The following CCDC110 variants were observed in gnomAD, a reference collection of about 807,000 sequenced individuals.
The protein encoded by CCDC110 is coiled-coil domain-containing protein 110.
Under a neutral mutation model 77.1 loss-of-function variants are expected in CCDC110, and 70 were observed. That is an observed-to-expected ratio of 0.91 (90% CI 0.75 to 1.11). The LOEUF (loss-of-function observed/expected upper bound fraction) is 1.11, where lower values mean the gene tolerates loss of function less well. CCDC110 is among the 50% of genes least tolerant of loss of function. The pLI is 0.00. For synonymous variants in CCDC110, 295 were observed against 312.5 expected, an observed-to-expected ratio of 0.94 and a Z score of 0.59; for missense variants, 868 against 942.9, an observed-to-expected ratio of 0.92 and a Z score of 1.04.
intron 6 of CCDC110, among the ~76,000 whole-genome samples, chr4:185,455,006 T>C (rs575803626): frequency 1.3e-5 from 2 of 152,258 alleles, no homozygotes; most frequent in East Asian, 3.9e-4. Flanking sequence ...TGCCTAATAT[T>C]CTAGTGTAAT....
chr4:185,461,066 G>A lies in CCDC110; in HGVS notation c.331C>T (p.Arg111Cys), dbSNP rs376940059. ...SSEKNLVFGT[R>C]IEKDLPTENQ... ...TAACATACCAAATCCTTTTCAATGC[G>A]CGTGCCAAACACCAGATTTTTTTCT... Residue 111 changes from arginine to cysteine, a missense_variant, in exon 5 of 7, where the codon CGC becomes TGC. Coordinates refer to ENST00000307588, the MANE Select transcript of CCDC110 (RefSeq NM_152775.4). The A allele has an allele frequency of 3.8e-5, 60 of 1,576,088 alleles. No individual in the cohort carries two copies. Among genetic ancestry groups the A allele is most frequent in the Middle Eastern group, 3.3e-4 (2 of 5,994 alleles).
chr4:185,461,157 T>C lies in CCDC110; in HGVS notation c.240A>G (p.Val80=), dbSNP rs374151330. The stretch of plus-strand genomic sequence containing the variant: ...TCAATATTTCACTGATTTCCGACTG[T>C]ACCTTTAAAAGATAAATTGAGAAAA... ...RMQTLQNVSM[V]QSEISEILNK... The change falls in exon 5 of 7, where the codon GTA becomes GTG. Residue 80 remains valine (V), a splice_region_variant and synonymous_variant. Coordinates refer to ENST00000307588, the MANE Select transcript of CCDC110 (RefSeq NM_152775.4). The C allele has an allele frequency of 6.7e-7, 1 of 1,491,656 alleles. No individual in the cohort carries two copies. 92.4% of individuals were successfully genotyped at this position (1,491,656 alleles called of 1,614,324 possible). A position where few individuals can be genotyped will look rare whatever the true frequency, so the allele number is the denominator to read the frequency against.
At chr4:185,447,038 T>C (rs1376231547) in intron 6 of CCDC110, among the ~76,000 whole-genome samples, 2 of 152,188 alleles carry the variant, frequency 1.3e-5, no homozygotes, top group African/African-American at 4.8e-5. Context: ...TCATCTCTTC[T>C]CTAAAGTCTG....
chr4:185,462,531 C>T, intron 4 of CCDC110, 112 bp downstream of exon 4: 3 of 790,844 alleles, frequency 3.8e-6, no homozygotes, highest in South Asian at 1.6e-5. Context: ...GCTGTGGCCT[C>T]TATTATATTA....
intron 6 of CCDC110, among the ~76,000 whole-genome samples, chr4:185,456,802 TTA>T (rs1430634868): frequency 6.6e-6 from 1 of 151,998 alleles, no homozygotes; most frequent in African/African-American, 2.4e-5. Flanking sequence ...TATTTACATA[TTA>T]TATATTTTAC....
Position 185,459,162 on chromosome 4 carries a change from T to G in CCDC110, c.1425A>C (p.Thr475=). Residue 475 remains threonine (T), a synonymous_variant, in exon 6 of 7, where the codon ACA becomes ACC. Transcript: ENST00000307588. ...CCAGATTCTTAAGTTGCTTTTCATATGTTTCAACTTTCTGTATGAGAGATT... is the reference window on the plus strand; with the variant it reads ...CCAGATTCTTAAGTTGCTTTTCATAGGTTTCAACTTTCTGTATGAGAGATT... ...TTQSLIQKVE[T]YEKQLKNLVE... 1.3e-6 allele frequency: 2 copies of G among 1,599,806 alleles called. No individual in the cohort carries two copies. Among genetic ancestry groups the G allele is most frequent in the Non-Finnish European group, 8.5e-7 (1 of 1,174,282 alleles).
chr4:185,467,662 G>T (rs2095658679), intron 2 of CCDC110, among the ~76,000 whole-genome samples: 1 of 152,166 alleles, frequency 6.6e-6, no homozygotes, highest in South Asian at 2.1e-4. Context: ...GATGACTTTT[G>T]AGGTAATTTT....
chr4:185,471,660 C>A lies in CCDC110; in HGVS notation c.10+14G>T. 1 of 1,564,136 alleles carries A rather than the reference C, an allele frequency of 6.4e-7. No individual in the cohort carries two copies. The highest frequency in any genetic ancestry group is 2.6e-5 in the East Asian group (1 of 39,052). On this transcript the variant is annotated intron_variant, in intron 1 of 6. Transcript: ENST00000307588. The stretch of plus-strand genomic sequence containing the variant: ...CGCGGCTCCCCTAGGAGCCCCGCCC[C>A]GTCCAACTCTTACCCGGGCTCATCG...
chr4:185,447,626 A>G (rs960066277), intron 6 of CCDC110, among the ~76,000 whole-genome samples: 3 of 152,038 alleles, frequency 2.0e-5, no homozygotes, highest in African/African-American at 7.3e-5. Context: ...GTGGCCTCCA[A>G]TACTATGACA....
intron 6 of CCDC110, among the ~76,000 whole-genome samples, chr4:185,455,165 G>A (rs974163414): frequency 2.6e-5 from 4 of 151,972 alleles, no homozygotes; most frequent in Non-Finnish European, 5.9e-5. Flanking sequence ...TAGTTATATT[G>A]TTTGTTTTAT....
At chr4:185,462,862 C>A in intron 3 of CCDC110, 132 bp downstream of exon 3, 2 of 1,029,436 alleles carry the variant, frequency 1.9e-6, no homozygotes, top group South Asian at 2.7e-5. Context: ...TGCTAACTCC[C>A]CAATGTGCTT....
In CCDC110 at chr4:185,462,361, T is replaced by C. The variant is rs111433885; in HGVS notation, c.237+282A>G. Among the ~76,000 whole-genome samples the C allele has an allele frequency of 9.5e-3, 1,452 of 152,330 alleles. 21 individuals carry two copies. Among genetic ancestry groups the C allele is most frequent in the African/African-American group, 0.033 (1,357 of 41,568 alleles). On this transcript the variant is annotated intron_variant, in intron 4 of 6. Coordinates refer to ENST00000307588, the MANE Select transcript of CCDC110 (RefSeq NM_152775.4). The stretch of plus-strand genomic sequence containing the variant: ...CTAAGCCAGTTTGAATTAGACTTCA[T>C]GTCACCTATAATGAGGGTCCCTATT...
At chr4:185,449,577 GT>G in intron 6 of CCDC110, 1 of 1,492,622 alleles carries the variant, frequency 6.7e-7, no homozygotes, top group Non-Finnish European at 9.1e-7. Flanking sequence ...ATTAATGTGT[GT>G]TTATTTTCCA....
chr4:185,447,387 A>G (rs550600643), intron 6 of CCDC110, among the ~76,000 whole-genome samples: 131 of 152,140 alleles, frequency 8.6e-4, no homozygotes, highest in Admixed American at 1.6e-3. Context: ...TCACTGTGTT[A>G]GCCAGGATGG....
In CCDC110 at chr4:185,463,041, A is replaced by G; in HGVS notation, c.124T>C (p.Cys42Arg). 1 of 1,613,128 alleles carries G rather than the reference A, an allele frequency of 6.2e-7. No homozygotes were observed. The highest frequency in any genetic ancestry group is 8.5e-7 in the Non-Finnish European group (1 of 1,179,308). ...ESGCSDTEYGCIAESENQIQP... is the reference protein window; with the variant it reads ...ESGCSDTEYGRIAESENQIQP... Reference sequence around the variant, plus strand: ...ATTTGATTTTCTGATTCTGCTATGCAGCCATATTCTAAGAAGCAAAATTGA... The same window carrying G: ...ATTTGATTTTCTGATTCTGCTATGCGGCCATATTCTAAGAAGCAAAATTGA... The change falls in exon 3 of 7, where the codon TGC becomes CGC. Residue 42 changes from cysteine (C) to arginine (R), a missense_variant. Physicochemically the swap from Cys to Arg is radical, Grantham distance 180 (BLOSUM62 -3). Transcript: ENST00000307588.
In CCDC110 at chr4:185,445,515, A is replaced by G. The variant is rs1420673150; in HGVS notation, c.2489T>C (p.Leu830Pro). 6.3e-7 allele frequency: 1 copy of G among 1,579,732 alleles called. No homozygotes were observed. The highest frequency in any genetic ancestry group is 8.7e-7 in the Non-Finnish European group (1 of 1,154,948). Residue 830 changes from leucine to proline, a missense_variant, in exon 7 of 7, where the codon CTC (leucine) becomes CCC (proline). Transcript: ENST00000307588. ...KGYFKVKDRT[L>P]KHH ...TCTTGAGGAATCCTAATGATGCTTGAGAGTTCTGTCTTTAACTTTGAAATA... is the reference window on the plus strand; with the variant it reads ...TCTTGAGGAATCCTAATGATGCTTGGGAGTTCTGTCTTTAACTTTGAAATA...
Position 185,459,167 on chromosome 4 carries a change from C to G in CCDC110, c.1420G>C (p.Glu474Gln), listed in dbSNP as rs1284773285. Residue 474 changes from glutamate to glutamine, a missense_variant, in exon 6 of 7, where the codon GAA (glutamate) becomes CAA (glutamine). Transcript: ENST00000307588. ...TTCTTAAGTTGCTTTTCATATGTTT[C>G]AACTTTCTGTATGAGAGATTGTGTG... ...FTTQSLIQKV[E>Q]TYEKQLKNLV... is the part of the protein sequence containing the mutation. 1 of 1,600,152 alleles carries G rather than the reference C, an allele frequency of 6.2e-7. No individual in the cohort carries two copies. Among genetic ancestry groups the G allele is most frequent in the Non-Finnish European group, 8.5e-7 (1 of 1,175,032 alleles).
intron 2 of CCDC110, among the ~76,000 whole-genome samples, chr4:185,465,791 C>T (rs779896071): frequency 1.3e-5 from 2 of 152,064 alleles, no homozygotes; most frequent in African/African-American, 2.4e-5. Context: ...GTGGGGAAAG[C>T]AGGTAGATTC....
chr4:185,462,776 A>G, intron 3 of CCDC110, 68 bp from the exon 4 acceptor site: 1 of 1,364,994 alleles, frequency 7.3e-7, no homozygotes, highest in Non-Finnish European at 1.0e-6. Context: ...AATTGTTATG[A>G]TTTTATGTCT....
Sources: gnomAD v4.1 joint callset for allele counts (sites outside exome capture counted in the v4.1 genomes callset) on GRCh38, gnomAD v4.1.1 for gene constraint, MANE v1.5 for transcripts, NCBI Gene and HGNC (gene_info 2026-07-23, HGNC 2026-07-21) for gene names.